The following CCDC196 variants were observed in gnomAD, a reference collection of about 807,000 sequenced individuals.
CCDC196 encodes the protein coiled-coil domain-containing protein 196.
At chr14:66,492,831 T>G (rs1322373607) in intron 8 of CCDC196, 3 of 152,658 alleles carry the variant, frequency 2.0e-5, no homozygotes, top group Admixed American at 6.5e-5. Flanking sequence ...TTGTTTAATC[T>G]TATTAATCTT....
chr14:66,487,949 T>C (rs1484169603), intron 2 of CCDC196, among the ~76,000 whole-genome samples: 3 of 152,116 alleles, frequency 2.0e-5, no homozygotes, highest in Non-Finnish European at 4.4e-5. Context: ...GAGCACAGAA[T>C]TCATTCTAGA....
chr14:66,495,956 A>T (rs2057655608), intron 8 of CCDC196, among the ~76,000 whole-genome samples: 1 of 152,218 alleles, frequency 6.6e-6, no homozygotes, highest in Non-Finnish European at 1.5e-5. Context: ...TTCAAAAAAC[A>T]GTCACTGCCC....
chr14:66,493,401 C>T (rs1242454156), intron 8 of CCDC196, among the ~76,000 whole-genome samples: 1 of 152,124 alleles, frequency 6.6e-6, no homozygotes, highest in Non-Finnish European at 1.5e-5. Flanking sequence ...AAACCAATTG[C>T]TCAGGAGAAA....
At position 66,491,075 on chromosome 14, in the gene CCDC196, T is replaced by C. The variant is rs1159061274; in HGVS notation, c.484T>C (p.Phe162Leu). Residue 162 changes from phenylalanine to leucine, a missense_variant, in exon 6 of 10, where the codon TTT becomes CTT. Phe to Leu is a conservative substitution (Grantham distance 22). Transcript: ENST00000636229. The part of the protein sequence containing the change: ...RKTESELEKS[F>L]AEKVKEIRKE... The stretch of plus-strand genomic sequence containing the variant: ...GACTGAGAGTGAACTGGAGAAATCA[T>C]TTGCAGAGAAAGTGAAGGAGATAAG... 2 of 413,374 alleles carry C rather than the reference T, an allele frequency of 4.8e-6. No homozygotes were observed. Among genetic ancestry groups the C allele is most frequent in the Admixed American group, 8.8e-5 (2 of 22,718 alleles). The allele number at this position is 413,374 out of a possible 1,614,324, so 25.6% of individuals were successfully genotyped here.
At chr14:66,497,707 C>CGCCTACCA (rs2057698345) in intron 8 of CCDC196, among the ~76,000 whole-genome samples, 3 of 152,098 alleles carry the variant, frequency 2.0e-5, no homozygotes, top group Admixed American at 1.3e-4. Context: ...TCTCACCCTA[C>CGCCTACCA]GCCTACCATT....
intron 6 of CCDC196, among the ~76,000 whole-genome samples, 159 bp downstream of exon 6, chr14:66,491,263 T>C (rs2057528688): frequency 6.6e-6 from 1 of 152,190 alleles, no homozygotes; most frequent in South Asian, 2.1e-4. Context: ...TAGAGTGATA[T>C]CACAAGTTTC....
chr14:66,498,420 G>A lies in CCDC196; in HGVS notation c.842G>A (p.Gly281Glu). The A allele has an allele frequency of 2.4e-6, 1 of 413,522 alleles. No homozygotes were observed. Among genetic ancestry groups the A allele is most frequent in the Non-Finnish European group, 4.4e-6 (1 of 225,892 alleles). The allele number at this position is 413,522 out of a possible 1,614,324, so 25.6% of individuals were successfully genotyped here. ...AAAGGAAGTCAGCTTGATAATACAG[G>A]AGGGAGACTCTTTTTTCTGAGGTCA... ...GTKGSQLDNT[G>E]GRLFFLRSLP... The change falls in exon 10 of 10, where the codon GGA becomes GAA. Residue 281 changes from glycine (G) to glutamate (E), a missense_variant. Coordinates refer to ENST00000636229, the MANE Select transcript of CCDC196 (RefSeq NM_001351576.1).
At position 66,491,119 on chromosome 14, in the gene CCDC196, C is replaced by G. The variant is rs1184862899; in HGVS notation, c.513+15C>G. 3 of 413,184 alleles carry G rather than the reference C, an allele frequency of 7.3e-6. No individual in the cohort carries two copies. Among genetic ancestry groups the G allele is most frequent in the Non-Finnish European group, 1.3e-5 (3 of 226,124 alleles). The allele number at this position is 413,184 out of a possible 1,614,324, so 25.6% of individuals were successfully genotyped here. ...AGATAAGGAAGGTAGTACAGCCATT[C>G]TGAATGGCAGTGGCTTTTAGAGCTA... On this transcript the variant is annotated intron_variant, in intron 6 of 9. Transcript: ENST00000636229.
chr14:66,491,582 G>T, intron 6 of CCDC196, 44 bp from the exon 7 acceptor site: 1 of 413,618 alleles, frequency 2.4e-6, no homozygotes, highest in South Asian at 1.3e-4. Flanking sequence ...ACTGATTGCT[G>T]ATCTCAATTT....
At chr14:66,489,871 A>T (rs1475082111) in intron 4 of CCDC196, among the ~76,000 whole-genome samples, 1 of 152,214 alleles carries the variant, frequency 6.6e-6, no homozygotes, top group Non-Finnish European at 1.5e-5. Context: ...GGGACAGGGA[A>T]TTCCTTTGTC....
intron 8 of CCDC196, chr14:66,496,382 T>C (rs1460654753): frequency 2.2e-6 from 1 of 456,138 alleles, no homozygotes. Flanking sequence ...ACTGATTTTG[T>C]TACACTTCAA....
At chr14:66,497,415 C>T (rs1332833796) in intron 8 of CCDC196, among the ~76,000 whole-genome samples, 1 of 152,094 alleles carries the variant, frequency 6.6e-6, no homozygotes. Context: ...GTGGGCATCA[C>T]ACACTCAGGA....
chr14:66,486,624 T>C (rs1313838964), intron 1 of CCDC196, 33 bp from the exon 2 acceptor site: 1 of 413,118 alleles, frequency 2.4e-6, no homozygotes, highest in Non-Finnish European at 4.4e-6. Flanking sequence ...CAACCCAGGC[T>C]AAAGGCAGAT....
chr14:66,488,348 T>C, intron 3 of CCDC196, 92 bp downstream of exon 3: 1 of 402,696 alleles, frequency 2.5e-6, no homozygotes, highest in Non-Finnish European at 4.5e-6. Flanking sequence ...AGAGTACTCA[T>C]CTCTAGCATC....
chr14:66,486,691 T>C lies in CCDC196; in HGVS notation c.85T>C (p.Leu29=), dbSNP rs2057407575. ...AATAGATGACAACTACTTGAAGGAA[T>C]TGAATGAGGACTTAAAGCTAAGGAA... ...SKIDDNYLKE[L]NEDLKLRKQE... The change falls in exon 2 of 10, where the codon TTG becomes CTG. Residue 29 remains leucine, a synonymous_variant. Transcript: ENST00000636229. 9.7e-6 allele frequency: 4 copies of C among 413,408 alleles called. No individual in the cohort carries two copies. Among genetic ancestry groups the C allele is most frequent in the Non-Finnish European group, 1.8e-5 (4 of 226,110 alleles). 25.6% of individuals were successfully genotyped at this position (413,408 alleles called of 1,614,324 possible).
At position 66,486,471 on chromosome 14, in the gene CCDC196, G is replaced by A. The variant is rs995957811; in HGVS notation, c.-32G>A. 7.4e-6 allele frequency: 3 copies of A among 408,122 alleles called. No individual in the cohort carries two copies. 25.3% of individuals were successfully genotyped at this position (408,122 alleles called of 1,614,324 possible). A position where few individuals can be genotyped will look rare whatever the true frequency, so the allele number is the denominator to read the frequency against. On this transcript the variant is annotated 5_prime_UTR_variant, in exon 1 of 10. Coordinates refer to ENST00000636229, the MANE Select transcript of CCDC196 (RefSeq NM_001351576.1). ...AAAAAAAGGCACATATTTTCAGGAA[G>A]GCCTCTTTATTCTTAGAAGTTACCC...
chr14:66,496,039 G>T (rs6573679), intron 8 of CCDC196, among the ~76,000 whole-genome samples: 49,956 of 151,972 alleles, frequency 0.33, 12,172 homozygotes, highest in African/African-American at 0.66. Context: ...GGCACTAAAA[G>T]AAAAAATGAG....
chr14:66,486,590 GTCTCTC>G (rs10569333), intron 1 of CCDC196, 38 bp downstream of exon 1: 12 of 409,080 alleles, frequency 2.9e-5, no homozygotes, highest in African/African-American at 8.4e-5. Context: ...AGAAAAGAGG[GTCTCTC>G]TCTCTCTCTC....
intron 8 of CCDC196, among the ~76,000 whole-genome samples, chr14:66,495,078 G>A (rs2057631490): frequency 6.6e-6 from 1 of 150,734 alleles, no homozygotes; most frequent in South Asian, 2.1e-4. Flanking sequence ...GCACCAAACT[G>A]CAACTTTCTC....
Sources: gnomAD v4.1 joint callset for allele counts (sites outside exome capture counted in the v4.1 genomes callset) on GRCh38, gnomAD v4.1.1 for gene constraint, MANE v1.5 for transcripts, NCBI Gene and HGNC (gene_info 2026-07-23, HGNC 2026-07-21) for gene names.